The following EPB41L2 variants were observed in gnomAD, a reference collection of about 807,000 sequenced individuals.
EPB41L2 encodes erythrocyte membrane protein band 4.1 like 2.
Under a neutral mutation model 113.0 loss-of-function variants are expected in EPB41L2, and 43 were observed. The ratio of observed to expected loss-of-function variants is 0.38; its 90% CI spans 0.30 to 0.49. The LOEUF is 0.49. Among genes scored for constraint, EPB41L2 ranks in the 20% least tolerant of loss-of-function variants. The probability of loss-of-function intolerance (pLI) is 0.95; values close to 1 mark genes in which losing one functional copy is unlikely to be tolerated. For synonymous variants in EPB41L2, 442 were observed against 436.7 expected (o/e 1.01, Z -0.15); for missense variants, 1,147 against 1,223.4 (o/e 0.94, Z 0.93).
At chr6:130,962,556 T>C (rs1773850350) in intron 1 of EPB41L2, among the ~76,000 whole-genome samples, 1 of 152,194 alleles carries the variant, frequency 6.6e-6, no homozygotes, top group Admixed American at 6.5e-5. Context: ...GTTACCTTTA[T>C]AACCCACTAT....
At chr6:130,999,673 A>C (rs1029350653) in intron 1 of EPB41L2, among the ~76,000 whole-genome samples, 1 of 152,212 alleles carries the variant, frequency 6.6e-6, no homozygotes, top group African/African-American at 2.4e-5. Context: ...AAGAAAAGCA[A>C]GAAGAAACTA....
intron 1 of EPB41L2, among the ~76,000 whole-genome samples, chr6:131,023,271 C>G (rs940060385): frequency 6.6e-6 from 1 of 152,160 alleles, no homozygotes; most frequent in African/African-American, 2.4e-5. Context: ...ATAAAGACTT[C>G]TTAGGATGTC....
At chr6:130,865,264 T>C (rs1431817729) in intron 17 of EPB41L2, among the ~76,000 whole-genome samples, 4 of 152,240 alleles carry the variant, frequency 2.6e-5, no homozygotes, top group African/African-American at 9.6e-5. Flanking sequence ...AAATTATAAA[T>C]TTTATTAAAT....
intron 10 of EPB41L2, among the ~76,000 whole-genome samples, chr6:130,892,630 A>G (rs746353490): frequency 1.4e-5 from 2 of 147,254 alleles, no homozygotes; most frequent in African/African-American, 2.4e-5. Flanking sequence ...TTTCTCCTCA[A>G]AAATTAACAT....
At chr6:130,845,480 G>A (rs1776758919) in intron 19 of EPB41L2, among the ~76,000 whole-genome samples, 1 of 151,972 alleles carries the variant, frequency 6.6e-6, no homozygotes, top group African/African-American at 2.4e-5. Context: ...TGGACTCAAG[G>A]GATCCTCCTG....
intron 3 of EPB41L2, among the ~76,000 whole-genome samples, chr6:130,938,492 C>A (rs1238926698): frequency 6.6e-6 from 1 of 152,110 alleles, no homozygotes; most frequent in African/African-American, 2.4e-5. Context: ...AAAAATGCTA[C>A]AACTATGTAA....
intron 1 of EPB41L2, among the ~76,000 whole-genome samples, chr6:131,043,960 G>A (rs1794927671): frequency 6.6e-6 from 1 of 151,856 alleles, no homozygotes; most frequent in Non-Finnish European, 1.5e-5. Flanking sequence ...GGAAAGGAAC[G>A]GGGAATCAAT....
At chr6:130,871,562 C>T (rs535302164) in intron 14 of EPB41L2, among the ~76,000 whole-genome samples, 2 of 152,288 alleles carry the variant, frequency 1.3e-5, no homozygotes, top group South Asian at 2.1e-4. Context: ...CACACACACA[C>T]GTCTCTGCAG....
At chr6:130,923,643 G>A (rs1803631424) in intron 4 of EPB41L2, among the ~76,000 whole-genome samples, 1 of 152,136 alleles carries the variant, frequency 6.6e-6, no homozygotes, top group East Asian at 1.9e-4. Context: ...TTAGCATCCT[G>A]ACTTTTTCCT....
At chr6:130,896,327 C>T (rs1794653966) in intron 8 of EPB41L2, among the ~76,000 whole-genome samples, 1 of 152,212 alleles carries the variant, frequency 6.6e-6, no homozygotes. Context: ...CTTATCTTGG[C>T]AGCCACAACT....
In EPB41L2 at chr6:130,921,573, G is replaced by A. The variant is rs1241365714; in HGVS notation, c.810+5032C>T. On this transcript the variant is annotated intron_variant, in intron 4 of 19. Transcript: ENST00000337057. Reference sequence around the variant, plus strand: ...ACATCATGATCATTCATGCTGGAACGATTACTTTTCTTCTGTGCAAAATGT... The same window carrying A: ...ACATCATGATCATTCATGCTGGAACAATTACTTTTCTTCTGTGCAAAATGT... Among the ~76,000 whole-genome samples, 6 of 152,278 alleles carry A rather than the reference G, an allele frequency of 3.9e-5. 1 individual carries two copies. Among genetic ancestry groups the A allele is most frequent in the South Asian group, 4.1e-4 (2 of 4,830 alleles).
chr6:130,918,517 T>C (rs1172742349), intron 4 of EPB41L2, among the ~76,000 whole-genome samples: 1 of 152,216 alleles, frequency 6.6e-6, no homozygotes, highest in East Asian at 1.9e-4. Context: ...TGATTCCACG[T>C]ATTTTTAACA....
chr6:130,911,767 C>T (rs1260896084), intron 4 of EPB41L2, among the ~76,000 whole-genome samples: 1 of 152,116 alleles, frequency 6.6e-6, no homozygotes, highest in Non-Finnish European at 1.5e-5. Flanking sequence ...TTTATATTTA[C>T]ATTTTTCTAC....
intron 11 of EPB41L2, among the ~76,000 whole-genome samples, chr6:130,887,240 G>T (rs943848396): frequency 6.6e-6 from 1 of 152,122 alleles, no homozygotes; most frequent in African/African-American, 2.4e-5. Flanking sequence ...ATTTATTCAG[G>T]TCTTAAACAT....
intron 1 of EPB41L2, among the ~76,000 whole-genome samples, chr6:130,975,255 C>G (rs1212393248): frequency 1.3e-5 from 2 of 152,118 alleles, no homozygotes; most frequent in Admixed American, 1.3e-4. Flanking sequence ...TCGACAATGT[C>G]TCATTATTTC....
intron 1 of EPB41L2, among the ~76,000 whole-genome samples, chr6:130,984,168 A>G (rs1399150009): frequency 1.3e-5 from 2 of 152,192 alleles, no homozygotes; most frequent in African/African-American, 4.8e-5. Flanking sequence ...GAAGGTCCGC[A>G]GGGGCAATAA....
At chr6:131,039,237 G>A (rs932551968) in intron 1 of EPB41L2, among the ~76,000 whole-genome samples, 2 of 152,190 alleles carry the variant, frequency 1.3e-5, no homozygotes, top group African/African-American at 4.8e-5. Flanking sequence ...AAAAGGCAAA[G>A]GTTAGGACGC....
chr6:130,980,968 A>G (rs1035099057), intron 1 of EPB41L2, among the ~76,000 whole-genome samples: 1 of 152,180 alleles, frequency 6.6e-6, no homozygotes, highest in African/African-American at 2.4e-5. Context: ...AATGGCAAAT[A>G]AAAACCAATT....
chr6:131,011,275 G>A (rs937451070), intron 1 of EPB41L2, among the ~76,000 whole-genome samples: 12 of 152,190 alleles, frequency 7.9e-5, no homozygotes, highest in Admixed American at 7.2e-4. Flanking sequence ...AGGATGGAGG[G>A]AAGAAAGGAG....
Sources: allele counts gnomAD v4.1 joint callset (sites outside exome capture counted in the v4.1 genomes callset), GRCh38; gene constraint gnomAD v4.1.1; transcripts MANE v1.5; gene names NCBI Gene and HGNC (gene_info 2026-07-23, HGNC 2026-07-21).